The following PPM1E variants were observed in gnomAD, a reference collection of about 807,000 sequenced individuals.
PPM1E encodes protein phosphatase 1E.
A neutral mutation model predicts 65.9 loss-of-function variants in PPM1E; 20 were observed. The observed-to-expected ratio is 0.30, with a 90% CI of 0.21 to 0.44. The LOEUF (loss-of-function observed/expected upper bound fraction) is 0.44. Among genes scored for constraint, PPM1E ranks in the 20% least tolerant of loss-of-function variants. PPM1E has a pLI of 1.00. For synonymous variants in PPM1E, 352 were observed against 374.9 expected, an observed-to-expected ratio of 0.94 and a Z score of 0.70; for missense variants, 713 against 953.1, an observed-to-expected ratio of 0.75 and a Z score of 3.32.
intron 1 of PPM1E, among the ~76,000 whole-genome samples, chr17:58,915,522 C>T (rs2051674520): frequency 6.6e-6 from 1 of 152,176 alleles, no homozygotes; most frequent in South Asian, 2.1e-4. Flanking sequence ...GAATGCAGCC[C>T]AGTAGGTCTC....
At chr17:58,839,136 T>C (rs1308943704) in intron 1 of PPM1E, among the ~76,000 whole-genome samples, 1 of 152,132 alleles carries the variant, frequency 6.6e-6, no homozygotes, top group African/African-American at 2.4e-5. Flanking sequence ...TGTAGAACTT[T>C]ACAGCACAAA....
intron 1 of PPM1E, among the ~76,000 whole-genome samples, chr17:58,868,411 T>G (rs569527459): frequency 6.6e-6 from 1 of 152,304 alleles, no homozygotes; most frequent in East Asian, 1.9e-4. Context: ...TTGGTTTGTT[T>G]TCCATTTAAA....
chr17:58,874,816 G>T (rs1257395917), intron 1 of PPM1E, among the ~76,000 whole-genome samples: 1 of 152,122 alleles, frequency 6.6e-6, no homozygotes. Flanking sequence ...TTTGTTGGCT[G>T]TGATGAATAT....
chr17:58,892,032 T>A (rs1476142969), intron 1 of PPM1E, among the ~76,000 whole-genome samples: 2 of 151,488 alleles, frequency 1.3e-5, no homozygotes, highest in Non-Finnish European at 2.9e-5. Flanking sequence ...GACAGCATTT[T>A]GCCATGTTGG....
At chr17:58,805,391 C>G (rs1040501146) in intron 1 of PPM1E, among the ~76,000 whole-genome samples, 9 of 152,136 alleles carry the variant, frequency 5.9e-5, no homozygotes, top group Non-Finnish European at 1.0e-4. Flanking sequence ...ACTGGGATTA[C>G]AGGCATGCGC....
chr17:58,929,352 C>T (rs1376986171), intron 1 of PPM1E, among the ~76,000 whole-genome samples: 1 of 152,008 alleles, frequency 6.6e-6, no homozygotes, highest in Non-Finnish European at 1.5e-5. Context: ...ATTATGATGT[C>T]CTATATCTTG....
At chr17:58,881,259 TG>T (rs2051191346) in intron 1 of PPM1E, among the ~76,000 whole-genome samples, 1 of 152,252 alleles carries the variant, frequency 6.6e-6, no homozygotes, top group Non-Finnish European at 1.5e-5. Flanking sequence ...CTGGGCGCAG[TG>T]GCTCATCCCT....
chr17:58,880,455 C>T (rs2051181988), intron 1 of PPM1E, among the ~76,000 whole-genome samples: 1 of 152,084 alleles, frequency 6.6e-6, no homozygotes, highest in Non-Finnish European at 1.5e-5. Context: ...AGAACTTTAC[C>T]AGAATAGGGC....
chr17:58,926,110 A>C (rs1294732125), intron 1 of PPM1E, among the ~76,000 whole-genome samples: 4 of 151,906 alleles, frequency 2.6e-5, no homozygotes, highest in Non-Finnish European at 5.9e-5. Context: ...GGAGGCTGAG[A>C]TGGGCGGATC....
intron 1 of PPM1E, among the ~76,000 whole-genome samples, chr17:58,933,931 G>T (rs1255502948): frequency 6.6e-6 from 1 of 151,828 alleles, no homozygotes; most frequent in Non-Finnish European, 1.5e-5. Context: ...TCCATCTCTA[G>T]TAAATATACA....
intron 1 of PPM1E, among the ~76,000 whole-genome samples, chr17:58,769,479 C>T (rs895097710): frequency 6.6e-6 from 1 of 152,064 alleles, no homozygotes; most frequent in African/African-American, 2.4e-5. Context: ...TACCTGTAGT[C>T]CCAGCTACTC....
intron 1 of PPM1E, among the ~76,000 whole-genome samples, chr17:58,902,402 A>G (rs951647983): frequency 6.6e-6 from 1 of 152,076 alleles, no homozygotes; most frequent in Non-Finnish European, 1.5e-5. Flanking sequence ...TAAACCAGCT[A>G]TGCTGCATTG....
chr17:58,875,144 A>T (rs1309522885), intron 1 of PPM1E, among the ~76,000 whole-genome samples: 1 of 152,202 alleles, frequency 6.6e-6, no homozygotes. Flanking sequence ...GTAAATTATT[A>T]TAATAAGCCT....
At chr17:58,850,527 C>T (rs1567853167) in intron 1 of PPM1E, among the ~76,000 whole-genome samples, 3 of 152,108 alleles carry the variant, frequency 2.0e-5, no homozygotes, top group Admixed American at 6.6e-5. Flanking sequence ...ATTTCTCCTT[C>T]ACTTATGAAG....
At chr17:58,830,204 CA>C (rs1261044808) in intron 1 of PPM1E, among the ~76,000 whole-genome samples, 1 of 152,026 alleles carries the variant, frequency 6.6e-6, no homozygotes, top group Non-Finnish European at 1.5e-5. Flanking sequence ...AAACGAACAA[CA>C]AAAAAATTGT....
intron 1 of PPM1E, among the ~76,000 whole-genome samples, chr17:58,821,142 G>A (rs1191329013): frequency 6.6e-6 from 1 of 151,920 alleles, no homozygotes; most frequent in African/African-American, 2.4e-5. Flanking sequence ...ATGGAGTCTC[G>A]CTTTGTCACC....
intron 1 of PPM1E, among the ~76,000 whole-genome samples, chr17:58,787,781 C>A (rs1347481233): frequency 6.6e-6 from 1 of 151,666 alleles, no homozygotes; most frequent in African/African-American, 2.4e-5. Context: ...GTGGCAGGCG[C>A]CTGTAGTCCC....
rs1236815745 is a variant in PPM1E at position 58,756,172 on chromosome 17, G to A, written c.175G>A (p.Ala59Thr). 1.3e-6 allele frequency: 2 copies of A among 1,577,618 alleles called. No homozygotes were observed. Among genetic ancestry groups the A allele is most frequent in the East Asian group, 4.6e-5 (2 of 43,556 alleles). The change falls in exon 1 of 7, where the codon GCC becomes ACC. Residue 59 changes from alanine to threonine, a missense_variant. This residue lies in a region of PPM1E where 212 missense variants were observed against 204.0 expected (regional missense o/e 1.04). Coordinates refer to ENST00000308249, the MANE Select transcript of PPM1E (RefSeq NM_014906.5). ...PEPELVEAEAAEASVEEPGEE... is the reference protein window; with the variant it reads ...PEPELVEAEATEASVEEPGEE... ...ACCTGAACTGGTAGAAGCTGAGGCG[G>A]CCGAGGCTTCGGTAGAGGAACCCGG...
intron 1 of PPM1E, among the ~76,000 whole-genome samples, chr17:58,855,512 C>G (rs1424934545): frequency 6.6e-6 from 1 of 152,132 alleles, no homozygotes; most frequent in African/African-American, 2.4e-5. Flanking sequence ...TCCTTTTACC[C>G]AGTACATCGT....
Sources: allele counts gnomAD v4.1 joint callset (sites outside exome capture counted in the v4.1 genomes callset), GRCh38; gene constraint gnomAD v4.1.1; regional missense constraint gnomAD v4.1.1; transcripts MANE v1.5; gene names NCBI Gene and HGNC (gene_info 2026-07-23, HGNC 2026-07-21).